Variants in MED27 observed in about 807,000 individuals in gnomAD.
The protein encoded by MED27 is mediator complex subunit 27, also known as mediator of RNA polymerase II transcription subunit 27.
MED27 carries 30 observed loss-of-function variants against 38.2 expected under a neutral mutation model. That is an observed-to-expected ratio of 0.79 (90% CI 0.59 to 1.07). MED27 has a LOEUF of 1.07. Ranked by LOEUF, MED27 falls within the 50% of genes least tolerant of loss-of-function variation. MED27 has a pLI of 0.00. For synonymous variants in MED27, 122 were observed against 153.5 expected (o/e 0.79, Z 1.52); for missense variants, 289 against 397.5 (o/e 0.73, Z 2.32).
intron 3 of MED27, among the ~76,000 whole-genome samples, chr9:132,009,305 C>A (rs1481776647): frequency 2.0e-5 from 3 of 152,236 alleles, no homozygotes; most frequent in Non-Finnish European, 4.4e-5. Context: ...AATATGTCCA[C>A]AAATTCTTTG....
At chr9:131,899,403 C>A (rs1305499001) in intron 4 of MED27, among the ~76,000 whole-genome samples, 1 of 152,210 alleles carries the variant, frequency 6.6e-6, no homozygotes, top group Non-Finnish European at 1.5e-5. Flanking sequence ...GGCAGCCAGA[C>A]CTCCTGGCGG....
chr9:132,010,029 T>C (rs977097596), intron 3 of MED27, among the ~76,000 whole-genome samples: 1 of 152,240 alleles, frequency 6.6e-6, no homozygotes, highest in Non-Finnish European at 1.5e-5. Flanking sequence ...CTGTTCACTC[T>C]GATGGTAGTT....
At chr9:131,868,884 G>A (rs1838779969) in intron 6 of MED27, 1 of 985,366 alleles carries the variant, frequency 1.0e-6, no homozygotes. Flanking sequence ...GCTGCTCAAG[G>A]GTAGCACGAA....
intron 2 of MED27, among the ~76,000 whole-genome samples, chr9:132,055,375 C>A (rs1312806374): frequency 6.6e-6 from 1 of 152,196 alleles, no homozygotes; most frequent in Non-Finnish European, 1.5e-5. Context: ...ACTCTGCAGG[C>A]CTAAGCCCAG....
rs1830234051 is a variant in MED27, at chr9:131,913,838, C to T, written c.574-19846G>A. ...GAGGGCGGTCCAATGATTCCCTGAG[C>T]CACTGGCGTGGTACCAAACGCAGGA... is the stretch of plus-strand genomic sequence containing the variant. On this transcript the variant is annotated intron_variant, in intron 4 of 7. Coordinates refer to ENST00000292035, the MANE Select transcript of MED27 (RefSeq NM_004269.4). This position sits in a 1 kb window ranked among gnomAD's most constrained non-coding sequence, Gnocchi z 4.5. Among the ~76,000 whole-genome samples, 1 of 152,178 alleles carries T rather than the reference C, an allele frequency of 6.6e-6. No homozygotes were observed. Among genetic ancestry groups the T allele is most frequent in the South Asian group, 2.1e-4 (1 of 4,832 alleles).
intron 2 of MED27, among the ~76,000 whole-genome samples, chr9:132,061,105 C>T (rs963144655): frequency 2.6e-5 from 4 of 152,198 alleles, no homozygotes; most frequent in Non-Finnish European, 5.9e-5. Flanking sequence ...GCCATTTCTC[C>T]AACACTAAAG....
At chr9:131,870,869 G>A (rs544612839) in intron 6 of MED27, among the ~76,000 whole-genome samples, 1 of 152,148 alleles carries the variant, frequency 6.6e-6, no homozygotes, top group East Asian at 1.9e-4. Flanking sequence ...CCCTCCAAAC[G>A]GTCTGACAGA....
intron 6 of MED27, among the ~76,000 whole-genome samples, chr9:131,876,728 C>T (rs971474872): frequency 3.9e-5 from 6 of 152,130 alleles, no homozygotes; most frequent in Non-Finnish European, 7.4e-5. Context: ...CGTCTGCCGC[C>T]GCTCCTTCCC....
chr9:132,010,967 C>T (rs1832474783), intron 3 of MED27, among the ~76,000 whole-genome samples: 1 of 152,080 alleles, frequency 6.6e-6, no homozygotes, highest in African/African-American at 2.4e-5. Flanking sequence ...ACCAACATGG[C>T]ACATGTATAC....
At chr9:131,931,528 C>T (rs1183354267) in intron 4 of MED27, among the ~76,000 whole-genome samples, 1 of 152,034 alleles carries the variant, frequency 6.6e-6, no homozygotes, top group African/African-American at 2.4e-5. Flanking sequence ...TAACTCCAAT[C>T]AAATATAAGT....
At chr9:131,994,237 A>G (rs1832041887) in intron 3 of MED27, among the ~76,000 whole-genome samples, 1 of 152,180 alleles carries the variant, frequency 6.6e-6, no homozygotes, top group African/African-American at 2.4e-5. Context: ...CCAGGAACCT[A>G]TCGATGATGC....
At chr9:131,944,868 G>C (rs891453233) in intron 3 of MED27, among the ~76,000 whole-genome samples, 4 of 151,820 alleles carry the variant, frequency 2.6e-5, no homozygotes, top group Admixed American at 1.3e-4. Flanking sequence ...ATCCCTTGGA[G>C]AAGGTATGAA....
At chr9:131,881,703 C>A (rs1408934746) in intron 6 of MED27, among the ~76,000 whole-genome samples, 1 of 151,450 alleles carries the variant, frequency 6.6e-6, no homozygotes, top group East Asian at 1.9e-4. Flanking sequence ...TGGTTACTCA[C>A]TAATAACTGA....
chr9:132,014,939 A>G (rs1359021044), intron 2 of MED27, among the ~76,000 whole-genome samples: 1 of 152,220 alleles, frequency 6.6e-6, no homozygotes, highest in Non-Finnish European at 1.5e-5. Flanking sequence ...ATGGTTTTAA[A>G]GCCTACGTAA....
rs191419525 is a variant in MED27 at position 131,881,995 on chromosome 9, C to T, written c.723+2063G>A. Among the ~76,000 whole-genome samples, 203 of 151,826 alleles carry T rather than the reference C, an allele frequency of 1.3e-3. 1 individual carries two copies. Among genetic ancestry groups the T allele is most frequent in the East Asian group, 6.6e-3 (34 of 5,154 alleles). ...GGTCTCGAACTCCTGACCTTGTAAT[C>T]CACCCACCTGAGCCTCCCAAAGTGC... On this transcript the variant is annotated intron_variant, in intron 6 of 7. Transcript: ENST00000292035.
chr9:131,942,313 T>C (rs1351610073), intron 3 of MED27, among the ~76,000 whole-genome samples: 1 of 152,192 alleles, frequency 6.6e-6, no homozygotes, highest in Non-Finnish European at 1.5e-5. Context: ...TTTTTCATCA[T>C]TGCCTGACGT....
At chr9:132,069,494 C>T (rs139138768) in intron 2 of MED27, among the ~76,000 whole-genome samples, 30 of 152,314 alleles carry the variant, frequency 2.0e-4, no homozygotes, top group African/African-American at 6.5e-4. Flanking sequence ...TGGTGTGTCA[C>T]AAGAGGCGAA....
intron 4 of MED27, among the ~76,000 whole-genome samples, chr9:131,901,223 T>C (rs1253143035): frequency 6.6e-6 from 1 of 152,192 alleles, no homozygotes; most frequent in East Asian, 1.9e-4. Context: ...TTTGTACTAA[T>C]TCCAAAGAAA....
intron 3 of MED27, among the ~76,000 whole-genome samples, chr9:131,944,318 C>A (rs143285881): frequency 2.0e-5 from 3 of 152,102 alleles, no homozygotes; most frequent in Admixed American, 6.6e-5. Context: ...ATAAATACCC[C>A]CCATTGCCAC....
Sources: gnomAD v4.1 joint callset for allele counts (sites outside exome capture counted in the v4.1 genomes callset) on GRCh38, gnomAD v4.1.1 for gene constraint, Gnocchi (gnomAD v3.1) non-coding constraint, MANE v1.5 for transcripts, NCBI Gene and HGNC (gene_info 2026-07-23, HGNC 2026-07-21) for gene names.